The following ZBTB39 variants were observed in gnomAD, a reference collection of about 807,000 sequenced individuals.
ZBTB39 encodes zinc finger and BTB domain containing 39.
Under a neutral mutation model 39.4 loss-of-function variants are expected in ZBTB39, and 25 were observed. The observed-to-expected ratio is 0.63, with a 90% CI of 0.46 to 0.89. The LOEUF (loss-of-function observed/expected upper bound fraction) is 0.89. ZBTB39 is among the 40% of genes least tolerant of loss of function. The probability of loss-of-function intolerance (pLI) is 0.00; values close to 1 mark genes in which losing one functional copy is unlikely to be tolerated. For synonymous variants in ZBTB39, 373 were observed against 359.6 expected (o/e 1.04, Z -0.42); for missense variants, 891 against 909.7 (o/e 0.98, Z 0.26).
chr12:57,003,458 T>C lies in ZBTB39; in HGVS notation c.1460A>G (p.Gln487Arg), dbSNP rs767215271. 1.2e-6 allele frequency: 2 copies of C among 1,613,692 alleles called. No individual in the cohort carries two copies. The highest frequency in any genetic ancestry group is 1.7e-5 in the Admixed American group (1 of 60,026). Residue 487 changes from glutamine to arginine, a missense_variant, in exon 2 of 2, where the codon CAG becomes CGG. Physicochemically the swap from Gln to Arg is conservative, Grantham distance 43. Coordinates refer to ENST00000300101, the MANE Select transcript of ZBTB39 (RefSeq NM_014830.3). The surrounding 1 kb of genome is among the most constrained non-coding windows in gnomAD (Gnocchi z 4.8). ...GAGGCTGCAGAGGTTAAGGTGACGC[T>C]GGTCGCAGACACTGCAGGCCTGGCC... ...LKGQACSVCD[Q>R]RHLNLCSLMW...
Position 57,003,611 on chromosome 12 carries a change from A to T in ZBTB39, c.1307T>A (p.Leu436Gln). Residue 436 changes from leucine (L) to glutamine (Q), a missense_variant, in exon 2 of 2, where the codon CTG becomes CAG. Coordinates refer to ENST00000300101, the MANE Select transcript of ZBTB39 (RefSeq NM_014830.3). The surrounding 1 kb of genome is among the most constrained non-coding windows in gnomAD (Gnocchi z 4.8). The stretch of plus-strand genomic sequence containing the variant: ...TGAAAAGAGACCCAGCTTCCCTGGC[A>T]GGGGATCGTTGGGGTGGACAATGAT... Reference protein sequence around the residue: ...NNIIVHPNDPLPGKLGLFSGA... With the variant: ...NNIIVHPNDPQPGKLGLFSGA... 6.2e-7 allele frequency: 1 copy of T among 1,614,110 alleles called. No individual in the cohort carries two copies. The highest frequency in any genetic ancestry group is 8.5e-7 in the Non-Finnish European group (1 of 1,179,916).
chr12:57,005,791 C>T (rs1956241497), intron 1 of ZBTB39, among the ~76,000 whole-genome samples: 1 of 152,198 alleles, frequency 6.6e-6, no homozygotes, highest in Non-Finnish European at 1.5e-5. Flanking sequence ...TTGTTCACTA[C>T]CACTTTCTGC....
At position 57,003,260 on chromosome 12, in the gene ZBTB39, T is replaced by C. The variant is rs371676116; in HGVS notation, c.1658A>G (p.Tyr553Cys). 35 of 1,614,076 alleles carry C rather than the reference T, an allele frequency of 2.2e-5. No homozygotes were observed. In the African/African-American group the frequency reaches 3.3e-4, roughly 15 times the overall value. ...TTTGTGCTGGCTGACGTGGTAGCGA[T>C]AGGCAGCCTCTGACTTGAAGCTCTG... ...CSQSFKSEAA[Y>C]RYHVSQHKCN... Residue 553 changes from tyrosine (Y) to cysteine (C), a missense_variant, in exon 2 of 2, where the codon TAT becomes TGT. Physicochemically the swap from Tyr to Cys is radical, Grantham distance 194. Transcript: ENST00000300101. The surrounding 1 kb of genome is among the most constrained non-coding windows in gnomAD (Gnocchi z 4.8).
chr12:57,002,464 C>A lies in ZBTB39; in HGVS notation c.*315G>T. The stretch of plus-strand genomic sequence containing the variant: ...CATAAAACCTATCAGTAAACTAAAA[C>A]TAGAGAGGCTGGGGAAGGGGGTCTA... On this transcript the variant is annotated 3_prime_UTR_variant, in exon 2 of 2. Coordinates refer to ENST00000300101, the MANE Select transcript of ZBTB39 (RefSeq NM_014830.3). 2.9e-6 allele frequency: 1 copy of A among 345,230 alleles called. No individual in the cohort carries two copies. Among genetic ancestry groups the A allele is most frequent in the South Asian group, 5.5e-5 (1 of 18,132 alleles). The allele number at this position is 345,230 out of a possible 1,614,324, so 21.4% of individuals were successfully genotyped here.
chr12:57,004,192 G>A lies in ZBTB39; in HGVS notation c.726C>T (p.Ser242=), dbSNP rs749572429. The change falls in exon 2 of 2, where the codon AGC becomes AGT. Residue 242 remains serine, a synonymous_variant. Coordinates refer to ENST00000300101, the MANE Select transcript of ZBTB39 (RefSeq NM_014830.3). The part of the protein sequence containing the change: ...TVSTGIQTST[S]SCQPYKVQSN... ...TTTGAACTTTGTATGGCTGGCAGGAGCTCGTGCTGGTCTGGATGCCCGTGC... is the reference window on the plus strand; with the variant it reads ...TTTGAACTTTGTATGGCTGGCAGGAACTCGTGCTGGTCTGGATGCCCGTGC... 1.2e-6 allele frequency: 2 copies of A among 1,614,204 alleles called. No homozygotes were observed. The highest frequency in any genetic ancestry group is 2.2e-5 in the East Asian group (1 of 44,888).
In ZBTB39 at chr12:57,001,122, G is replaced by A. The variant is rs1278336022; in HGVS notation, c.*1657C>T. 2.6e-5 allele frequency: 4 copies of A among 152,174 alleles called. No homozygotes were observed. Among genetic ancestry groups the A allele is most frequent in the African/African-American group, 9.7e-5 (4 of 41,424 alleles). The allele number at this position is 152,174 out of a possible 1,614,324, so 9.4% of individuals were successfully genotyped here. ...CTGGAGAAGAAGAATTTGCTTAAGG[G>A]CTTGACATGTCTTCCCTTAGTTATA... On this transcript the variant is annotated 3_prime_UTR_variant, in exon 2 of 2. Coordinates refer to ENST00000300101, the MANE Select transcript of ZBTB39 (RefSeq NM_014830.3).
At position 57,002,851 on chromosome 12, in the gene ZBTB39, A is replaced by G. The variant is rs941628554; in HGVS notation, c.2067T>C (p.Pro689=). The G allele has an allele frequency of 6.2e-7, 1 of 1,614,054 alleles. No individual in the cohort carries two copies. Among genetic ancestry groups the G allele is most frequent in the Admixed American group, 1.7e-5 (1 of 59,998 alleles). Residue 689 remains proline, a synonymous_variant, in exon 2 of 2, where the codon CCT becomes CCC. Transcript: ENST00000300101. The stretch of plus-strand genomic sequence containing the variant: ...TGAAGGTCTGCTCGATGGTGAAGTC[A>G]GGGGGGAGGCTGCCTTTGTGCACAC... ...HVGVHKGSLP[P]DFTIEQTFMY... is the part of the protein sequence containing the mutation.
At position 57,000,149 on chromosome 12, in the gene ZBTB39, G is replaced by A. The variant is rs1381458106; in HGVS notation, c.*2630C>T. ...CAGAGGAAGCAGACATGACTTTGGTGGGGTGGGGGGAAACGGGAAGTTCAG... is the reference window on the plus strand; with the variant it reads ...CAGAGGAAGCAGACATGACTTTGGTAGGGTGGGGGGAAACGGGAAGTTCAG... On this transcript the variant is annotated 3_prime_UTR_variant, in exon 2 of 2. Coordinates refer to ENST00000300101, the MANE Select transcript of ZBTB39 (RefSeq NM_014830.3). The A allele has an allele frequency of 6.6e-6, 1 of 152,586 alleles. No individual in the cohort carries two copies. The highest frequency in any genetic ancestry group is 2.4e-5 in the African/African-American group (1 of 41,406). The allele number at this position is 152,586 out of a possible 1,614,324, so 9.5% of individuals were successfully genotyped here.
Position 57,002,921 on chromosome 12 carries a change from C to A in ZBTB39, c.1997G>T (p.Cys666Phe), listed in dbSNP as rs761987467. Reference sequence around the variant, plus strand: ...GTTAAGGGTGGAACTGTAGTGCCCACAGACTGTGCAGCGGTACATGAGGGC... The same window carrying A: ...GTTAAGGGTGGAACTGTAGTGCCCAAAGACTGTGCAGCGGTACATGAGGGC... ...SGALMYRCTV[C>F]GHYSSTLNLM... is the part of the protein sequence containing the mutation. Residue 666 changes from cysteine (C) to phenylalanine (F), a missense_variant, in exon 2 of 2, where the codon TGT becomes TTT. Coordinates refer to ENST00000300101, the MANE Select transcript of ZBTB39 (RefSeq NM_014830.3). 6.2e-7 allele frequency: 1 copy of A among 1,614,248 alleles called. No homozygotes were observed. The highest frequency in any genetic ancestry group is 1.1e-5 in the South Asian group (1 of 91,092).
rs1956200079 is a variant in ZBTB39 at position 56,999,843 on chromosome 12, A to G, written c.*2936T>C. The G allele has an allele frequency of 6.6e-6, 1 of 152,214 alleles. No individual in the cohort carries two copies. The highest frequency in any genetic ancestry group is 6.5e-5 in the Admixed American group (1 of 15,276). 9.4% of individuals were successfully genotyped at this position (152,214 alleles called of 1,614,324 possible). Reference sequence around the variant, plus strand: ...ACCACCTTGAAATTTTTAATAATTTATGAATAAGAGGGCTCCACAAATGAT... The same window carrying G: ...ACCACCTTGAAATTTTTAATAATTTGTGAATAAGAGGGCTCCACAAATGAT... On this transcript the variant is annotated 3_prime_UTR_variant, in exon 2 of 2. Transcript: ENST00000300101.
Position 56,999,905 on chromosome 12 carries a change from A to T in ZBTB39, c.*2874T>A, listed in dbSNP as rs1015410314. 1 of 152,234 alleles carries T rather than the reference A, an allele frequency of 6.6e-6. No individual in the cohort carries two copies. Among genetic ancestry groups the T allele is most frequent in the African/African-American group, 2.4e-5 (1 of 41,450 alleles). 9.4% of individuals were successfully genotyped at this position (152,234 alleles called of 1,614,324 possible). A position where few individuals can be genotyped will look rare whatever the true frequency, so the allele number is the denominator to read the frequency against. On this transcript the variant is annotated 3_prime_UTR_variant, in exon 2 of 2. Transcript: ENST00000300101. ...TGAGTACATACCAAGAAAATGGGAGAAGAGGATGTTCAAGGCTTAAACAGA... is the reference window on the plus strand; with the variant it reads ...TGAGTACATACCAAGAAAATGGGAGTAGAGGATGTTCAAGGCTTAAACAGA...
chr12:57,005,664 T>C (rs1956240736), intron 1 of ZBTB39, among the ~76,000 whole-genome samples: 1 of 152,224 alleles, frequency 6.6e-6, no homozygotes, highest in Non-Finnish European at 1.5e-5. Context: ...TACTTTAATA[T>C]GTTGTATTCT....
In ZBTB39 at chr12:57,003,197, A is replaced by G; in HGVS notation, c.1721T>C (p.Leu574Pro). 1 of 1,614,176 alleles carries G rather than the reference A, an allele frequency of 6.2e-7. No individual in the cohort carries two copies. The highest frequency in any genetic ancestry group is 8.5e-7 in the Non-Finnish European group (1 of 1,179,992). ...CCGCTTCTGGAGAGCTGGGTGCTGCAGCCCAAAACCAGGCCGTGCATCAAG... is the reference window on the plus strand; with the variant it reads ...CCGCTTCTGGAGAGCTGGGTGCTGCGGCCCAAAACCAGGCCGTGCATCAAG... ...SGLDARPGFG[L>P]QHPALQKRKL... The change falls in exon 2 of 2, where the codon CTG (leucine) becomes CCG (proline). Residue 574 changes from leucine to proline, a missense_variant. By Grantham distance (98) the Leu-to-Pro change is moderately conservative. Coordinates refer to ENST00000300101, the MANE Select transcript of ZBTB39 (RefSeq NM_014830.3). The surrounding 1 kb of genome is among the most constrained non-coding windows in gnomAD (Gnocchi z 4.8).
Position 57,000,004 on chromosome 12 carries a change from A to T in ZBTB39, c.*2775T>A, listed in dbSNP as rs1203592912. 1 of 152,194 alleles carries T rather than the reference A, an allele frequency of 6.6e-6. No individual in the cohort carries two copies. Among genetic ancestry groups the T allele is most frequent in the Non-Finnish European group, 1.5e-5 (1 of 68,044 alleles). 9.4% of individuals were successfully genotyped at this position (152,194 alleles called of 1,614,324 possible). A position where few individuals can be genotyped will look rare whatever the true frequency, so the allele number is the denominator to read the frequency against. Reference sequence around the variant, plus strand: ...GGGAGCAACAAAATCAAATGAACAGAAAGTCAAAACAATTAAAAATGCAAA... The same window carrying T: ...GGGAGCAACAAAATCAAATGAACAGTAAGTCAAAACAATTAAAAATGCAAA... On this transcript the variant is annotated 3_prime_UTR_variant, in exon 2 of 2. Transcript: ENST00000300101.
rs767855646 is a variant in ZBTB39 at position 57,004,664 on chromosome 12, C to T, written c.254G>A (p.Ser85Asn). Residue 85 changes from serine (S) to asparagine (N), a missense_variant, in exon 2 of 2, where the codon AGC becomes AAC. Transcript: ENST00000300101. ...GAAGAGTTCTGAAGTGTAGACAAAG[C>T]TCAGAACCTTCTCAAAGTTGGCAGG... ...ITPANFEKVL[S>N]FVYTSELFTD... The T allele has an allele frequency of 9.3e-6, 15 of 1,614,200 alleles. No homozygotes were observed. Among genetic ancestry groups the T allele is most frequent in the Non-Finnish European group, 1.2e-5 (14 of 1,180,030 alleles).
rs895519692 is a variant in ZBTB39 at position 57,006,546 on chromosome 12, C to T, written c.-186G>A. 1 of 145,354 alleles carries T rather than the reference C, an allele frequency of 6.9e-6. No homozygotes were observed. The highest frequency in any genetic ancestry group is 1.5e-5 in the Non-Finnish European group (1 of 65,380). 9.0% of individuals were successfully genotyped at this position (145,354 alleles called of 1,614,324 possible). A position where few individuals can be genotyped will look rare whatever the true frequency, so the allele number is the denominator to read the frequency against. Reference sequence around the variant, plus strand: ...CGCCGCGCGGCTCGCCGCGACGGCCCGGGCCGCCCCCGCCGCCCGGCCCGC... The same window carrying T: ...CGCCGCGCGGCTCGCCGCGACGGCCTGGGCCGCCCCCGCCGCCCGGCCCGC... On this transcript the variant is annotated 5_prime_UTR_variant, in exon 1 of 2. Coordinates refer to ENST00000300101, the MANE Select transcript of ZBTB39 (RefSeq NM_014830.3).
In ZBTB39 at chr12:57,003,066, T is replaced by C. The variant is rs981405555; in HGVS notation, c.1852A>G (p.Ser618Gly). Reference protein sequence around the residue: ...KVCGKRFAHTSEFNYHRRIHT... With the variant: ...KVCGKRFAHTGEFNYHRRIHT... ...ATCCGCCGGTGGTAGTTGAATTCGC[T>C]TGTGTGGGCAAATCTTTTGCCACAG... Residue 618 changes from serine to glycine, a missense_variant, in exon 2 of 2, where the codon AGC becomes GGC. Physicochemically the swap from Ser to Gly is moderately conservative, Grantham distance 56. Coordinates refer to ENST00000300101, the MANE Select transcript of ZBTB39 (RefSeq NM_014830.3). The surrounding 1 kb of genome is among the most constrained non-coding windows in gnomAD (Gnocchi z 4.8). 5.6e-6 allele frequency: 9 copies of C among 1,610,942 alleles called. No homozygotes were observed. Among genetic ancestry groups the C allele is most frequent in the Non-Finnish European group, 6.8e-6 (8 of 1,178,752 alleles).
Position 57,003,231 on chromosome 12 carries a change from T to C in ZBTB39, c.1687A>G (p.Asn563Asp), listed in dbSNP as rs956847043. ...CCAGGCCGTGCATCAAGGCCACTGT[T>C]GCATTTGTGCTGGCTGACGTGGTAG... is the stretch of plus-strand genomic sequence containing the variant. ...YRYHVSQHKC[N>D]SGLDARPGFG... is the part of the protein sequence containing the mutation. The change falls in exon 2 of 2, where the codon AAC becomes GAC. Residue 563 changes from asparagine to aspartate, a missense_variant. By Grantham distance (23) the Asn-to-Asp change is conservative. Transcript: ENST00000300101. The surrounding 1 kb of genome is among the most constrained non-coding windows in gnomAD (Gnocchi z 4.8). 4 of 1,614,098 alleles carry C rather than the reference T, an allele frequency of 2.5e-6. No homozygotes were observed. The African/African-American group carries it at 5.3e-5, about 22-fold the overall frequency.
chr12:57,003,666 GA>G lies in ZBTB39; in HGVS notation c.1251del (p.His418ThrfsTer34). 1 of 1,614,232 alleles carries G rather than the reference GA, an allele frequency of 6.2e-7. No individual in the cohort carries two copies. The highest frequency in any genetic ancestry group is 8.5e-7 in the Non-Finnish European group (1 of 1,180,058). Reference protein sequence around the residue: ...TKFFTQWQLTLHRRDGIFENN... With the variant: ...TKFFTQWQLTXHRRDGIFENN... ...TTCTCAAATATTCCATCCCGTCGGT[GA>G]AGGGTCAGCTGCCACTGGGTAAAGA... On this transcript the variant is annotated frameshift_variant, in exon 2 of 2. Transcript: ENST00000300101. LOFTEE classifies it high-confidence loss of function. The surrounding 1 kb of genome is among the most constrained non-coding windows in gnomAD (Gnocchi z 4.8).
Sources: gnomAD v4.1 joint callset for allele counts (sites outside exome capture counted in the v4.1 genomes callset) on GRCh38, gnomAD v4.1.1 for gene constraint, Gnocchi (gnomAD v3.1) non-coding constraint, MANE v1.5 for transcripts, NCBI Gene and HGNC (gene_info 2026-07-23, HGNC 2026-07-21) for gene names.